Variants in PTK2 observed in about 807,000 individuals in gnomAD.
The protein encoded by PTK2 is focal adhesion kinase 1.
A neutral mutation model predicts 150.1 loss-of-function variants in PTK2; 45 were observed. The observed-to-expected ratio is 0.30, with a 90% CI of 0.24 to 0.38. PTK2 has a LOEUF of 0.38. Among genes scored for constraint, PTK2 ranks in the 10% least tolerant of loss-of-function variants. The pLI is 1.00. For missense variants in PTK2, 919 were observed against 1,307.3 expected, an observed-to-expected ratio of 0.70 and a Z score of 4.58; for synonymous variants, 432 against 449.2, an observed-to-expected ratio of 0.96 and a Z score of 0.48.
intron 8 of PTK2, among the ~76,000 whole-genome samples, chr8:140,820,077 T>G (rs10529640): frequency 1.8e-4 from 3 of 16,218 alleles, no homozygotes; most frequent in Non-Finnish European, 4.2e-4. Flanking sequence ...CTGACTTTGG[T>G]TTTTTTTTTT....
In PTK2 at chr8:140,717,646, C is replaced by G. The variant is rs1194703270; in HGVS notation, c.2094G>C (p.Gln698His). The change falls in exon 23 of 32, where the codon CAG (glutamine) becomes CAC (histidine). Residue 698 changes from glutamine to histidine, a missense_variant. Physicochemically the swap from Gln to His is conservative, Grantham distance 24 (BLOSUM62 0). This residue lies in a region of PTK2 where 555 missense variants were observed against 880.1 expected (regional missense o/e 0.63). Coordinates refer to ENST00000522684, the Ensembl canonical transcript of PTK2. ...CTCCGGAGTCCCAGGACACTGTGGC[C>G]TGTCTTCTGGACTCCATCCTCATGC... 1.2e-6 allele frequency: 2 copies of G among 1,613,968 alleles called. No homozygotes were observed. Among genetic ancestry groups the G allele is most frequent in the African/African-American group, 2.7e-5 (2 of 74,912 alleles).
chr8:140,873,407 C>T (rs2154606877), intron 4 of PTK2, among the ~76,000 whole-genome samples: 1 of 152,240 alleles, frequency 6.6e-6, no homozygotes, highest in East Asian at 1.9e-4. Flanking sequence ...AACTTATTTT[C>T]TCTTTTATGA....
intron 22 of PTK2, among the ~76,000 whole-genome samples, chr8:140,733,205 C>T (rs1341349793): frequency 6.6e-6 from 1 of 152,108 alleles, no homozygotes; most frequent in African/African-American, 2.4e-5. Flanking sequence ...GATAAAGGCA[C>T]TATTCCAACC....
chr8:140,763,261 G>A (rs976724441), intron 15 of PTK2, among the ~76,000 whole-genome samples: 3 of 151,954 alleles, frequency 2.0e-5, no homozygotes, highest in African/African-American at 7.3e-5. Flanking sequence ...TCTTCATTCC[G>A]GTAATGCTTC....
intron 13 of PTK2, among the ~76,000 whole-genome samples, chr8:140,793,087 G>A (rs1452914156): frequency 2.0e-5 from 3 of 152,106 alleles, no homozygotes; most frequent in African/African-American, 7.2e-5. Context: ...AATAACATAT[G>A]AAGCAAATGT....
intron 14 of PTK2, among the ~76,000 whole-genome samples, chr8:140,769,007 C>T (rs1431280147): frequency 6.6e-6 from 1 of 152,112 alleles, no homozygotes; most frequent in African/African-American, 2.4e-5. Context: ...GATAAAGTTT[C>T]ATGCAAGCAG....
At chr8:140,767,610 C>T (rs2100073074) in intron 14 of PTK2, among the ~76,000 whole-genome samples, 1 of 152,096 alleles carries the variant, frequency 6.6e-6, no homozygotes. Context: ...CTCAGCCTCC[C>T]AAATAGCTGG....
intron 1 of PTK2, among the ~76,000 whole-genome samples, chr8:140,999,552 A>T (rs1340214473): frequency 6.6e-6 from 1 of 152,210 alleles, no homozygotes; most frequent in Non-Finnish European, 1.5e-5. Flanking sequence ...TTTCTAATTA[A>T]TTGGCTAGTA....
chr8:140,896,670 A>C (rs1308948054), intron 2 of PTK2, among the ~76,000 whole-genome samples: 1 of 151,530 alleles, frequency 6.6e-6, no homozygotes, highest in Non-Finnish European at 1.5e-5. Context: ...TGGGAAAAAA[A>C]CTTCCCCTCC....
chr8:140,680,371 G>A (rs1564213643), intron 27 of PTK2, among the ~76,000 whole-genome samples: 1 of 152,066 alleles, frequency 6.6e-6, no homozygotes, highest in East Asian at 1.9e-4. Context: ...GGGATTACAG[G>A]TACCCGCTAC....
At chr8:140,788,639 G>A (rs979604105) in intron 14 of PTK2, among the ~76,000 whole-genome samples, 3 of 152,106 alleles carry the variant, frequency 2.0e-5, no homozygotes, top group South Asian at 4.1e-4. Flanking sequence ...AGCTGAGATC[G>A]CGCCACTGCA....
At chr8:140,849,571 T>C (rs1364980262) in intron 5 of PTK2, among the ~76,000 whole-genome samples, 2 of 152,372 alleles carry the variant, frequency 1.3e-5, no homozygotes, top group South Asian at 2.1e-4. Context: ...TAATATCTCA[T>C]TTAATCATCA....
chr8:140,803,728 TC>T, intron 10 of PTK2, 78 bp from the exon 11 acceptor site: 4 of 1,300,966 alleles, frequency 3.1e-6, no homozygotes, highest in Middle Eastern at 1.8e-4. Context: ...TTCTGTGAAA[TC>T]CTCGTTGTCC....
intron 5 of PTK2, among the ~76,000 whole-genome samples, chr8:140,847,402 A>T (rs1034299896): frequency 1.3e-5 from 2 of 152,242 alleles, no homozygotes; most frequent in Non-Finnish European, 2.9e-5. Flanking sequence ...TTAAAAGCCG[A>T]TAAGAGTGAT....
chr8:140,951,944 G>A (rs2100179695), intron 1 of PTK2, among the ~76,000 whole-genome samples: 1 of 151,496 alleles, frequency 6.6e-6, no homozygotes, highest in Admixed American at 6.6e-5. Flanking sequence ...CCAATGAGAT[G>A]GCTCTTGGGT....
intron 5 of PTK2, among the ~76,000 whole-genome samples, chr8:140,848,142 T>G (rs937811192): frequency 2.0e-5 from 3 of 152,202 alleles, no homozygotes; most frequent in African/African-American, 7.2e-5. Flanking sequence ...AATGCATGCC[T>G]AGGAAGCGCT....
intron 26 of PTK2, among the ~76,000 whole-genome samples, chr8:140,694,095 C>T (rs1470406469): frequency 6.8e-6 from 1 of 147,902 alleles, no homozygotes; most frequent in African/African-American, 2.5e-5. Context: ...GGCTGGAGTG[C>T]AGTGGCGCGA....
intron 5 of PTK2, among the ~76,000 whole-genome samples, chr8:140,847,058 A>C (rs893695603): frequency 8.5e-5 from 13 of 152,202 alleles, no homozygotes; most frequent in African/African-American, 2.2e-4. Context: ...GAAACAACGA[A>C]TAGGGTCTGA....
At chr8:140,694,085 G>C (rs944148110) in intron 26 of PTK2, among the ~76,000 whole-genome samples, 1 of 148,344 alleles carries the variant, frequency 6.7e-6, no homozygotes, top group Admixed American at 6.8e-5. Flanking sequence ...CTGTCGCCCA[G>C]GCTGGAGTGC....
Sources: allele counts gnomAD v4.1 joint callset (sites outside exome capture counted in the v4.1 genomes callset), GRCh38; gene constraint gnomAD v4.1.1; regional missense constraint gnomAD v4.1.1; transcripts MANE v1.5; gene names NCBI Gene and HGNC (gene_info 2026-07-23, HGNC 2026-07-21).